ZIM2: variants seen among roughly 807,000 people sequenced by gnomAD.
The protein encoded by ZIM2 is zinc finger imprinted 2, also known as zinc finger protein 656.
Under a neutral mutation model 38.6 loss-of-function variants are expected in ZIM2, and 14 were observed. That is an observed-to-expected ratio of 0.36 (90% CI 0.24 to 0.57). The LOEUF (loss-of-function observed/expected upper bound fraction) is 0.57, where lower values mean the gene tolerates loss of function less well. ZIM2 is among the 20% of genes least tolerant of loss of function. ZIM2 has a pLI of 0.81. For missense variants in ZIM2, 680 were observed against 695.1 expected (o/e 0.98, Z 0.24); for synonymous variants, 247 against 245.8 (o/e 1.00, Z -0.04).
At chr19:56,811,457 A>G (rs964595278) in intron 9 of ZIM2, 2 of 964,596 alleles carry the variant, frequency 2.1e-6, no homozygotes, top group Non-Finnish European at 2.5e-6. Flanking sequence ...CGTGATTATC[A>G]TTTTTAAACA....
intron 8 of ZIM2, among the ~76,000 whole-genome samples, chr19:56,818,345 T>C (rs1421776133): frequency 6.6e-6 from 1 of 152,176 alleles, no homozygotes; most frequent in Non-Finnish European, 1.5e-5. Flanking sequence ...GAAAAAAGTA[T>C]CAACTCTTGT....
In ZIM2 at chr19:56,779,461, A is replaced by C. The variant is rs2046207498; in HGVS notation, c.751T>G (p.Ser251Ala). 5 of 1,613,756 alleles carry C rather than the reference A, an allele frequency of 3.1e-6. No individual in the cohort carries two copies. Among genetic ancestry groups the C allele is most frequent in the Admixed American group, 1.7e-5 (1 of 59,986 alleles). The change falls in exon 12 of 13, where the codon TCT (serine) becomes GCT (alanine). Residue 251 changes from serine (S) to alanine (A), a missense_variant. Physicochemically the swap from Ser to Ala is moderately conservative, Grantham distance 99. Coordinates refer to ENST00000629319, the MANE Select transcript of ZIM2 (RefSeq NM_001387356.1). ...RNLVSLGHQF[S>A]KPDIISRLEE... ...AGGCGTGAGATAATGTCAGGTTTAG[A>C]GAACTGGTGCCCTGTTGGAGAGGAA...
At chr19:56,785,888 C>T (rs910083754) in intron 10 of ZIM2, among the ~76,000 whole-genome samples, 4 of 152,082 alleles carry the variant, frequency 2.6e-5, no homozygotes, top group South Asian at 2.1e-4. Context: ...ATTTAATTTA[C>T]GTATTATAAA....
intron 9 of ZIM2, among the ~76,000 whole-genome samples, chr19:56,791,964 G>A (rs2046951945): frequency 6.6e-6 from 1 of 150,528 alleles, no homozygotes; most frequent in Admixed American, 6.6e-5. Flanking sequence ...ACTAAATAAT[G>A]TAAAGACCAA....
intron 9 of ZIM2, chr19:56,813,434 A>G: frequency 7.6e-7 from 1 of 1,311,064 alleles, no homozygotes. Flanking sequence ...TTACTTGGAA[A>G]GGTAAGATGT....
At chr19:56,776,290 C>T (rs1014049122) in intron 12 of ZIM2, among the ~76,000 whole-genome samples, 3 of 151,934 alleles carry the variant, frequency 2.0e-5, no homozygotes, top group Non-Finnish European at 1.5e-5. Flanking sequence ...TTTGGCAGAT[C>T]GCTAATATTC....
chr19:56,822,497 T>C (rs1214897107), intron 6 of ZIM2: 24 of 9,508 alleles, frequency 2.5e-3, no homozygotes, highest in Middle Eastern at 0.033. Flanking sequence ...AAACTTCCAG[T>C]TTTTTTTTTT....
At chr19:56,815,560 GT>G (rs1568628028) in intron 9 of ZIM2, 1 of 1,614,010 alleles carries the variant, frequency 6.2e-7, no homozygotes, top group Non-Finnish European at 8.5e-7. Context: ...AGGGCGAAAT[GT>G]TTGTTCACCA....
chr19:56,819,888 C>T (rs549161902), intron 7 of ZIM2, among the ~76,000 whole-genome samples: 1 of 152,148 alleles, frequency 6.6e-6, no homozygotes, highest in East Asian at 1.9e-4. Flanking sequence ...TAAGCAAAGA[C>T]AAAGAGGTAC....
intron 9 of ZIM2, chr19:56,816,133 T>C (rs1434719445): frequency 6.2e-7 from 1 of 1,613,684 alleles, no homozygotes; most frequent in East Asian, 2.2e-5. Context: ...TGATTTTGCC[T>C]CATAGACATT....
intron 9 of ZIM2, among the ~76,000 whole-genome samples, chr19:56,795,569 G>C (rs1403337415): frequency 6.6e-6 from 1 of 152,220 alleles, no homozygotes. Context: ...TGCGGTGGAC[G>C]GGCTGAGGAA....
At position 56,784,166 on chromosome 19, in the gene ZIM2, G is replaced by C. The variant is rs368567057; in HGVS notation, c.571-2045C>G. On this transcript the variant is annotated intron_variant, in intron 10 of 12. Transcript: ENST00000629319. The stretch of plus-strand genomic sequence containing the variant: ...CTGAGGTCTTAACCTGGCAATCACA[G>C]ATTCTTAAGGCTGAGCTTTGTAGTG... Among the ~76,000 whole-genome samples the C allele has an allele frequency of 5.3e-4, 81 of 152,304 alleles. 1 individual carries two copies. The highest frequency in any genetic ancestry group is 1.7e-3 in the African/African-American group (71 of 41,570).
chr19:56,825,852 CA>C (rs778157587), intron 3 of ZIM2, among the ~76,000 whole-genome samples: 1 of 152,112 alleles, frequency 6.6e-6, no homozygotes, highest in Non-Finnish European at 1.5e-5. Context: ...AAGGTGTTTC[CA>C]TTATTCAGAG....
chr19:56,777,953 C>A (rs1013271696), intron 12 of ZIM2, among the ~76,000 whole-genome samples: 3 of 152,118 alleles, frequency 2.0e-5, no homozygotes, highest in Non-Finnish European at 4.4e-5. Context: ...CAAGCTCATT[C>A]CAATCTCAGG....
intron 10 of ZIM2, among the ~76,000 whole-genome samples, chr19:56,789,078 T>C (rs141428305): frequency 0.016 from 2,497 of 152,142 alleles, 81 homozygotes; most frequent in African/African-American, 0.057. Flanking sequence ...TTAGCTTCCT[T>C]GCATTGGGTT....
At chr19:56,797,480 T>C (rs1568581996) in intron 9 of ZIM2, among the ~76,000 whole-genome samples, 1 of 152,098 alleles carries the variant, frequency 6.6e-6, no homozygotes, top group Non-Finnish European at 1.5e-5. Context: ...TACCAGCAAG[T>C]CTTTTATGTG....
rs955674626 is a variant in ZIM2 at position 56,826,031 on chromosome 19, G to A, written c.-151+357C>T. Among the ~76,000 whole-genome samples the A allele has an allele frequency of 2.0e-5, 3 of 152,144 alleles. No homozygotes were observed. In the East Asian group the frequency reaches 5.8e-4, roughly 29 times the overall value. On this transcript the variant is annotated intron_variant, in intron 3 of 12. Coordinates refer to ENST00000629319, the MANE Select transcript of ZIM2 (RefSeq NM_001387356.1). ...AGCTTGGGCACCATCCAATGCAAAT[G>A]CCTCGATCCTGAAGACCTTAGCGAC...
intron 9 of ZIM2, chr19:56,791,428 C>T (rs1423479362): frequency 6.6e-6 from 1 of 152,124 alleles, no homozygotes. Context: ...TTTAAAAATT[C>T]TTTTAAGTAA....
At chr19:56,822,966 A>G in intron 5 of ZIM2, 130 bp from the exon 6 acceptor site, 3 of 1,238,954 alleles carry the variant, frequency 2.4e-6, no homozygotes, top group Middle Eastern at 1.9e-4. Flanking sequence ...CAAAACAGAG[A>G]GCTCCAGGTT....
Sources: allele counts gnomAD v4.1 joint callset (sites outside exome capture counted in the v4.1 genomes callset), GRCh38; gene constraint gnomAD v4.1.1; transcripts MANE v1.5; gene names NCBI Gene and HGNC (gene_info 2026-07-23, HGNC 2026-07-21).